EFL1: variants seen among roughly 807,000 people sequenced by gnomAD.
EFL1 encodes elongation factor like GTPase 1.
In EFL1, 76 loss-of-function variants were observed where a neutral mutation model predicts 126.7. The observed-to-expected ratio is 0.60, with a 90% CI of 0.50 to 0.73. The LOEUF is 0.73. EFL1 is among the 30% of genes least tolerant of loss of function. The pLI, the probability that EFL1 is intolerant of heterozygous loss-of-function variation, is 0.00. For synonymous variants in EFL1, 410 were observed against 448.4 expected, an observed-to-expected ratio of 0.91 and a Z score of 1.08; for missense variants, 1,128 against 1,343.2, an observed-to-expected ratio of 0.84 and a Z score of 2.50.
chr15:82,156,433 C>T (rs372700475), intron 17 of EFL1, among the ~76,000 whole-genome samples: 5 of 152,250 alleles, frequency 3.3e-5, no homozygotes, highest in Admixed American at 2.0e-4. Flanking sequence ...TACAGGTGCA[C>T]GCCACCACAT....
chr15:82,258,256 T>C (rs2075083131), intron 3 of EFL1, among the ~76,000 whole-genome samples: 1 of 152,226 alleles, frequency 6.6e-6, no homozygotes. Flanking sequence ...TTTAATTTTA[T>C]TTCCTCAAAC....
chr15:82,245,693 T>A (rs1245451291), intron 4 of EFL1, among the ~76,000 whole-genome samples: 4 of 151,948 alleles, frequency 2.6e-5, no homozygotes, highest in Admixed American at 6.6e-5. Context: ...ATAATCCAAA[T>A]GCTTTGGAAG....
At chr15:82,176,330 T>G (rs777840716) in intron 15 of EFL1, among the ~76,000 whole-genome samples, 2 of 152,264 alleles carry the variant, frequency 1.3e-5, no homozygotes, top group African/African-American at 2.4e-5. Flanking sequence ...AAGAAAAAAT[T>G]GAAAAATATT....
intron 4 of EFL1, among the ~76,000 whole-genome samples, chr15:82,243,608 A>G (rs1277052321): frequency 1.1e-5 from 1 of 95,230 alleles, no homozygotes; most frequent in Non-Finnish European, 2.1e-5. Flanking sequence ...GAAGTTTCAG[A>G]GACTGGGTCT....
chr15:82,212,140 T>C (rs2074597232), intron 15 of EFL1, among the ~76,000 whole-genome samples: 1 of 152,192 alleles, frequency 6.6e-6, no homozygotes, highest in South Asian at 2.1e-4. Flanking sequence ...CTGTTTGTAT[T>C]TTACCAAAAA....
At chr15:82,132,301 C>T (rs1450894167) in intron 19 of EFL1, among the ~76,000 whole-genome samples, 1 of 152,160 alleles carries the variant, frequency 6.6e-6, no homozygotes, top group Non-Finnish European at 1.5e-5. Flanking sequence ...CAACGAGACG[C>T]TTCGCATCAG....
chr15:82,186,262 G>A lies in EFL1; in HGVS notation c.1751-22278C>T, dbSNP rs117315580. 5.0e-3 allele frequency among the ~76,000 whole-genome samples: 767 copies of A among 152,140 alleles called. 5 individuals carry two copies. The highest frequency in any genetic ancestry group is 6.8e-3 in the Non-Finnish European group (460 of 68,004). On this transcript the variant is annotated intron_variant, in intron 15 of 19. Transcript: ENST00000268206. ...TCAGTGTTTAAATCCATATAGGCAC[G>A]CTCCTTTCCATCTTTAATTAATATC...
chr15:82,133,053 G>T (rs1020655275), intron 19 of EFL1, among the ~76,000 whole-genome samples: 1 of 152,202 alleles, frequency 6.6e-6, no homozygotes, highest in Non-Finnish European at 1.5e-5. Flanking sequence ...CCCACCCAGG[G>T]TGAGGGTAGG....
chr15:82,158,877 T>C (rs562979423), intron 16 of EFL1, among the ~76,000 whole-genome samples: 16 of 152,372 alleles, frequency 1.1e-4, no homozygotes, highest in African/African-American at 3.1e-4. Context: ...GGTATGATGA[T>C]TGTTCTCATT....
chr15:82,167,146 A>G (rs2074088138), intron 15 of EFL1, among the ~76,000 whole-genome samples: 2 of 152,222 alleles, frequency 1.3e-5, no homozygotes, highest in Admixed American at 6.5e-5. Context: ...ACAAGAAATA[A>G]AAGAGAAAGC....
Position 82,261,705 on chromosome 15 carries a change from A to C in EFL1, c.74T>G (p.Leu25Trp). Reference sequence around the variant, plus strand: ...ATTCTTACCATGGTCAACATGAGCCAAAACACAAATATTCCTGATGTTGGC... The same window carrying C: ...ATTCTTACCATGGTCAACATGAGCCCAAACACAAATATTCCTGATGTTGGC... ...NTANIRNICV[L>W]AHVDHGKTTL... is the part of the protein sequence containing the mutation. The change falls in exon 2 of 20, where the codon TTG (leucine) becomes TGG (tryptophan). Residue 25 changes from leucine to tryptophan, a missense_variant. Leu to Trp is a moderately conservative substitution (Grantham distance 61). Around this residue, in one of 6 missense-constraint regions of EFL1, gnomAD observed 118 missense variants for 188.1 expected, o/e 0.63. Coordinates refer to ENST00000268206, the MANE Select transcript of EFL1 (RefSeq NM_024580.6). 1 of 1,614,088 alleles carries C rather than the reference A, an allele frequency of 6.2e-7. No individual in the cohort carries two copies. Among genetic ancestry groups the C allele is most frequent in the Non-Finnish European group, 8.5e-7 (1 of 1,180,020 alleles).
At chr15:82,137,932 G>A (rs751042425) in intron 19 of EFL1, among the ~76,000 whole-genome samples, 2 of 152,134 alleles carry the variant, frequency 1.3e-5, no homozygotes, top group Non-Finnish European at 2.9e-5. Flanking sequence ...CAGGACAGCT[G>A]GTCTGACCTT....
At chr15:82,239,068 A>G (rs1457567416) in intron 6 of EFL1, among the ~76,000 whole-genome samples, 1 of 152,130 alleles carries the variant, frequency 6.6e-6, no homozygotes, top group African/African-American at 2.4e-5. Context: ...CTACAAGCTC[A>G]CTTATGTCTG....
intron 16 of EFL1, among the ~76,000 whole-genome samples, chr15:82,163,115 A>G (rs1253153454): frequency 6.6e-6 from 1 of 152,246 alleles, no homozygotes; most frequent in Non-Finnish European, 1.5e-5. Context: ...GGAAAGGTGC[A>G]GAAAGTGGTT....
intron 15 of EFL1, among the ~76,000 whole-genome samples, chr15:82,194,258 T>C (rs1437843005): frequency 6.6e-6 from 1 of 152,178 alleles, no homozygotes; most frequent in Non-Finnish European, 1.5e-5. Flanking sequence ...TTCATTTTGA[T>C]AAAACCAAAC....
chr15:82,228,961 G>T, intron 9 of EFL1, 73 bp downstream of exon 9: 1 of 1,222,760 alleles, frequency 8.2e-7, no homozygotes, highest in Non-Finnish European at 1.2e-6. Flanking sequence ...TCTGAAATAT[G>T]ACTCATCAAA....
rs868867804 is a variant in EFL1, at chr15:82,262,711, G to A, written c.-117C>T. On this transcript the variant is annotated 5_prime_UTR_variant, in exon 1 of 20. Transcript: ENST00000268206. Reference sequence around the variant, plus strand: ...AGAGCTCTGCGGGTCCGACACGCCCGCGCGCCAGGGGGCGGGGCCGGCTGT... The same window carrying A: ...AGAGCTCTGCGGGTCCGACACGCCCACGCGCCAGGGGGCGGGGCCGGCTGT... 9.3e-6 allele frequency: 7 copies of A among 756,154 alleles called. No individual in the cohort carries two copies. In the Admixed American group the frequency reaches 1.7e-4, roughly 18 times the overall value. 46.8% of individuals were successfully genotyped at this position (756,154 alleles called of 1,614,324 possible).
intron 14 of EFL1, among the ~76,000 whole-genome samples, chr15:82,217,737 TCTC>T (rs1194605594): frequency 3.9e-5 from 6 of 152,154 alleles, no homozygotes; most frequent in African/African-American, 1.4e-4. Flanking sequence ...TGTTTAGAAA[TCTC>T]CTTCTCGAGT....
At chr15:82,240,161 T>C (rs2141326250) in intron 6 of EFL1, among the ~76,000 whole-genome samples, 1 of 152,338 alleles carries the variant, frequency 6.6e-6, no homozygotes, top group Non-Finnish European at 1.5e-5. Flanking sequence ...CTAATATGGC[T>C]TCACTTTGGA....
Sources: allele counts gnomAD v4.1 joint callset (sites outside exome capture counted in the v4.1 genomes callset), GRCh38; gene constraint gnomAD v4.1.1; regional missense constraint gnomAD v4.1.1; transcripts MANE v1.5; gene names NCBI Gene and HGNC (gene_info 2026-07-23, HGNC 2026-07-21).